The following LIPI variants were observed in gnomAD, a reference collection of about 807,000 sequenced individuals.
LIPI encodes lipase member I.
A neutral mutation model predicts 50.6 loss-of-function variants in LIPI; 59 were observed. That is an observed-to-expected ratio of 1.16 (90% CI 0.94 to 1.45). LIPI has a LOEUF of 1.45. Among genes scored for constraint, LIPI ranks in the 40% most tolerant of loss-of-function variants. The pLI, the probability that LIPI is intolerant of heterozygous loss-of-function variation, is 0.00. For missense variants in LIPI, 586 were observed against 536.3 expected (o/e 1.09, Z -0.92); for synonymous variants, 203 against 178.2 (o/e 1.14, Z -1.11).
rs576841444 is a variant in LIPI at position 14,168,851 on chromosome 21, C to T, written c.644-2400G>A. Among the ~76,000 whole-genome samples the T allele has an allele frequency of 1.6e-3, 240 of 152,260 alleles. 1 individual carries two copies. Among genetic ancestry groups the T allele is most frequent in the African/African-American group, 5.5e-3 (229 of 41,546 alleles). On this transcript the variant is annotated intron_variant, in intron 4 of 9. Coordinates refer to ENST00000681601, the MANE Select transcript of LIPI (RefSeq NM_001302998.2). ...GCTAACATAATGACAGGATCAAATT[C>T]ACACATAACAATATTAACTTTAAAT... is the stretch of plus-strand genomic sequence containing the variant.
chr21:14,116,760 C>T (rs1216113662), intron 9 of LIPI, among the ~76,000 whole-genome samples: 2 of 152,118 alleles, frequency 1.3e-5, no homozygotes, highest in Admixed American at 1.3e-4. Flanking sequence ...TCCAAAATGG[C>T]TACAGGCCTG....
intron 9 of LIPI, among the ~76,000 whole-genome samples, chr21:14,114,647 G>T (rs1442805620): frequency 6.6e-6 from 1 of 152,116 alleles, no homozygotes; most frequent in African/African-American, 2.4e-5. Flanking sequence ...AATCAAAGAG[G>T]AACTCCAGGA....
At chr21:14,178,897 T>C (rs999415407) in intron 4 of LIPI, among the ~76,000 whole-genome samples, 1 of 152,106 alleles carries the variant, frequency 6.6e-6, no homozygotes, top group Admixed American at 6.6e-5. Context: ...TAACTAGGAG[T>C]TCTAACAATT....
intron 4 of LIPI, among the ~76,000 whole-genome samples, chr21:14,174,945 A>C (rs1045774202): frequency 6.6e-6 from 1 of 152,220 alleles, no homozygotes; most frequent in African/African-American, 2.4e-5. Flanking sequence ...CTCATATTTT[A>C]TGTAGGCTTT....
In LIPI at chr21:14,185,390, T is replaced by C. The variant is rs11911296; in HGVS notation, c.541+571A>G. On this transcript the variant is annotated intron_variant, in intron 3 of 9. Transcript: ENST00000681601. ...ATTTACTTCTGTATTCTTACGATAG[T>C]ATGTCCTTAAAATTTAGCTGGGACT... 4.0e-3 allele frequency among the ~76,000 whole-genome samples: 607 copies of C among 152,358 alleles called. 4 individuals are homozygous for C. Among genetic ancestry groups the C allele is most frequent in the African/African-American group, 0.014 (574 of 41,594 alleles).
At chr21:14,194,452 G>A (rs1266332916) in intron 1 of LIPI, among the ~76,000 whole-genome samples, 15 of 152,018 alleles carry the variant, frequency 9.9e-5, no homozygotes, top group Admixed American at 9.8e-4. Flanking sequence ...ATCTAGAATG[G>A]AATATTGTTC....
At chr21:14,112,609 A>G (rs1226281212) in intron 9 of LIPI, among the ~76,000 whole-genome samples, 2 of 110,790 alleles carry the variant, frequency 1.8e-5, no homozygotes, top group Non-Finnish European at 3.9e-5. Flanking sequence ...TGTAAATACA[A>G]TTGTGTTCTT....
rs2019580260 is a variant in LIPI, at chr21:14,189,379, T to TA, written c.86dup (p.Asp31GlyfsTer27). On this transcript the variant is annotated frameshift_variant, in exon 2 of 10. Coordinates refer to ENST00000681601, the MANE Select transcript of LIPI (RefSeq NM_001302998.2). LOFTEE classifies it high-confidence loss of function. ...TAAATAAATCTCTGAAGGAATCCTT[T>TA]ACACTTAGCTGAGAGAATTCAAGGC... The TA allele has an allele frequency of 6.2e-7, 1 of 1,612,704 alleles. No individual in the cohort carries two copies. Among genetic ancestry groups the TA allele is most frequent in the South Asian group, 1.1e-5 (1 of 91,002 alleles).
intron 9 of LIPI, among the ~76,000 whole-genome samples, chr21:14,142,819 A>G (rs2017762260): frequency 6.6e-6 from 1 of 151,860 alleles, no homozygotes; most frequent in African/African-American, 2.4e-5. Flanking sequence ...TTATATTTAT[A>G]CTATAATTAG....
intron 1 of LIPI, among the ~76,000 whole-genome samples, chr21:14,203,362 C>T (rs1402203117): frequency 1.7e-4 from 26 of 152,140 alleles, no homozygotes; most frequent in Admixed American, 9.2e-4. Context: ...ATAAATCATG[C>T]TGCTATAAAG....
chr21:14,115,571 C>G (rs1401751762), intron 9 of LIPI, among the ~76,000 whole-genome samples: 1 of 152,142 alleles, frequency 6.6e-6, no homozygotes, highest in Non-Finnish European at 1.5e-5. Flanking sequence ...TTGTAGGTTT[C>G]TGTCTCCTTT....
intron 9 of LIPI, among the ~76,000 whole-genome samples, chr21:14,140,476 T>C (rs1247513699): frequency 6.6e-6 from 1 of 152,116 alleles, no homozygotes; most frequent in Non-Finnish European, 1.5e-5. Flanking sequence ...GTTAATTTTG[T>C]TTGTGACATA....
intron 9 of LIPI, among the ~76,000 whole-genome samples, chr21:14,112,951 G>T (rs2016474353): frequency 1.3e-5 from 2 of 152,120 alleles, no homozygotes; most frequent in African/African-American, 4.8e-5. Flanking sequence ...CACCTGCCAT[G>T]TGAGAAAACC....
intron 7 of LIPI, among the ~76,000 whole-genome samples, chr21:14,157,096 G>A (rs2018301799): frequency 6.6e-6 from 1 of 151,880 alleles, no homozygotes; most frequent in Non-Finnish European, 1.5e-5. Context: ...TTATAAGACA[G>A]GGGTTGAAAG....
chr21:14,181,786 A>G lies in LIPI; in HGVS notation c.615T>C (p.Phe205=). The stretch of plus-strand genomic sequence containing the variant: ...TGGAGTCAGAATGGATGACATCCAC[A>G]AACTTTGCATCCGTGTAATCTAATC... The part of the protein sequence containing the change: ...YSRLDYTDAK[F]VDVIHSDSNG... The change falls in exon 4 of 10, where the codon TTT becomes TTC. Residue 205 remains phenylalanine (F), a synonymous_variant. Transcript: ENST00000681601. The G allele has an allele frequency of 6.2e-7, 1 of 1,611,268 alleles. No individual in the cohort carries two copies. The highest frequency in any genetic ancestry group is 8.5e-7 in the Non-Finnish European group (1 of 1,177,736).
chr21:14,167,993 G>A (rs555598149), intron 4 of LIPI, among the ~76,000 whole-genome samples: 287 of 152,276 alleles, frequency 1.9e-3, no homozygotes, highest in Non-Finnish European at 2.8e-3. Context: ...TGTATAACTA[G>A]AATAAGCCAT....
chr21:14,127,325 A>G (rs2017104787), intron 9 of LIPI, among the ~76,000 whole-genome samples: 1 of 152,210 alleles, frequency 6.6e-6, no homozygotes, highest in African/African-American at 2.4e-5. Context: ...TTCAGCAATT[A>G]CCTAGGTAAT....
At chr21:14,154,537 G>T (rs1279846665) in intron 7 of LIPI, among the ~76,000 whole-genome samples, 1 of 151,958 alleles carries the variant, frequency 6.6e-6, no homozygotes. Flanking sequence ...GGAAGTATTT[G>T]ATGATACTAT....
chr21:14,157,607 C>G (rs1312646958), intron 7 of LIPI, among the ~76,000 whole-genome samples: 2 of 151,804 alleles, frequency 1.3e-5, no homozygotes, highest in African/African-American at 2.4e-5. Flanking sequence ...TGGAAAACGT[C>G]TACAAACAAG....
Sources: allele counts gnomAD v4.1 joint callset (sites outside exome capture counted in the v4.1 genomes callset), GRCh38; gene constraint gnomAD v4.1.1; transcripts MANE v1.5; gene names NCBI Gene and HGNC (gene_info 2026-07-23, HGNC 2026-07-21).